MEOX2: variants seen among roughly 807,000 people sequenced by gnomAD.
MEOX2 encodes the protein mesenchyme homeobox 2, also known as homeobox protein MOX-2.
In MEOX2, 11 loss-of-function variants were observed where a neutral mutation model predicts 27.0. That is an observed-to-expected ratio of 0.41 (90% CI 0.26 to 0.68). MEOX2 has a LOEUF of 0.68. Among genes scored for constraint, MEOX2 ranks in the 30% least tolerant of loss-of-function variants. The pLI is 0.33. For missense variants in MEOX2, 436 were observed against 385.4 expected (o/e 1.13, Z -1.10); for synonymous variants, 189 against 155.4 (o/e 1.22, Z -1.61).
intron 1 of MEOX2, among the ~76,000 whole-genome samples, chr7:15,629,174 A>C (rs1432767484): frequency 6.6e-6 from 1 of 152,092 alleles, no homozygotes; most frequent in African/African-American, 2.4e-5. Flanking sequence ...ACTTGTATTT[A>C]TTTGAGTTTC....
chr7:15,681,690 C>T (rs1782293867), intron 1 of MEOX2: 1 of 151,566 alleles, frequency 6.6e-6, no homozygotes, highest in South Asian at 2.1e-4. Context: ...GGGGTAATGA[C>T]TGAAGTACTG....
rs780809317 is a variant in MEOX2 at position 15,686,232 on chromosome 7, C to T, written c.171G>A (p.Glu57=). 2 of 1,612,218 alleles carry T rather than the reference C, an allele frequency of 1.2e-6. No homozygotes were observed. The highest frequency in any genetic ancestry group is 1.7e-6 in the Non-Finnish European group (2 of 1,179,164). ...TGTGATGCTGGCTGGCAAACATGCCCTCTTCGTTGGGGTATCCCGCGATTA... is the reference window on the plus strand; with the variant it reads ...TGTGATGCTGGCTGGCAAACATGCCTTCTTCGTTGGGGTATCCCGCGATTA... ...SCIIAGYPNE[E]GMFASQHHRG... is the part of the protein sequence containing the mutation. The change falls in exon 1 of 3, where the codon GAG becomes GAA. Residue 57 remains glutamate (E), a synonymous_variant. Coordinates refer to ENST00000262041, the MANE Select transcript of MEOX2 (RefSeq NM_005924.5).
chr7:15,660,025 A>G (rs144192527), intron 1 of MEOX2, among the ~76,000 whole-genome samples: 1,747 of 152,280 alleles, frequency 0.011, 40 homozygotes, highest in African/African-American at 0.039. Context: ...AGCATGTGCA[A>G]TGATCTATAA....
At chr7:15,664,483 C>T (rs1054262722) in intron 1 of MEOX2, among the ~76,000 whole-genome samples, 4 of 152,202 alleles carry the variant, frequency 2.6e-5, no homozygotes, top group Admixed American at 2.6e-4. Flanking sequence ...TGCCAGCAAA[C>T]AAACAACAAA....
At chr7:15,641,153 T>G (rs1781553971) in intron 1 of MEOX2, among the ~76,000 whole-genome samples, 1 of 152,162 alleles carries the variant, frequency 6.6e-6, no homozygotes, top group African/African-American at 2.4e-5. Flanking sequence ...GGCCCTGGGC[T>G]TTTTTTAATT....
At chr7:15,646,241 G>A (rs1358072059) in intron 1 of MEOX2, among the ~76,000 whole-genome samples, 1 of 151,942 alleles carries the variant, frequency 6.6e-6, no homozygotes, top group Admixed American at 6.6e-5. Context: ...ATACGTGAAA[G>A]TATTTTATAA....
rs1286585344 is a variant in MEOX2 at position 15,611,436 on chromosome 7, T to C, written c.*951A>G. The C allele has an allele frequency of 6.5e-6, 1 of 152,680 alleles. No individual in the cohort carries two copies. The highest frequency in any genetic ancestry group is 1.5e-5 in the Non-Finnish European group (1 of 68,040). 9.5% of individuals were successfully genotyped at this position (152,680 alleles called of 1,614,324 possible). ...AAATGTTTTCTTGTTAATTAAATCATATTCATACAGCTAATATTTTACAGA... is the reference window on the plus strand; with the variant it reads ...AAATGTTTTCTTGTTAATTAAATCACATTCATACAGCTAATATTTTACAGA... On this transcript the variant is annotated 3_prime_UTR_variant, in exon 3 of 3. Coordinates refer to ENST00000262041, the MANE Select transcript of MEOX2 (RefSeq NM_005924.5).
chr7:15,621,014 G>C (rs2115356483), intron 2 of MEOX2, among the ~76,000 whole-genome samples: 1 of 152,220 alleles, frequency 6.6e-6, no homozygotes, highest in East Asian at 1.9e-4. Context: ...CCCACTGTGA[G>C]ATATTAAAAA....
At chr7:15,614,639 G>A (rs1781094811) in intron 2 of MEOX2, among the ~76,000 whole-genome samples, 1 of 151,930 alleles carries the variant, frequency 6.6e-6, no homozygotes, top group Admixed American at 6.6e-5. Flanking sequence ...GCTGTATTCT[G>A]TTCTGTTCCT....
In MEOX2 at chr7:15,623,795, T is replaced by A. The variant is rs1411930758; in HGVS notation, c.690+2951A>T. Among the ~76,000 whole-genome samples, 5 of 152,374 alleles carry A rather than the reference T, an allele frequency of 3.3e-5. No individual in the cohort carries two copies. The East Asian group carries it at 9.6e-4, about 29-fold the overall frequency. ...AGAAACATTATCCAATACAATTACA[T>A]CATTCCTCTCCTGTGACATTCTACA... On this transcript the variant is annotated intron_variant, in intron 2 of 2. Transcript: ENST00000262041.
intron 2 of MEOX2, among the ~76,000 whole-genome samples, chr7:15,612,849 C>G (rs1781054589): frequency 6.6e-6 from 1 of 152,110 alleles, no homozygotes. Flanking sequence ...TTACAGCATA[C>G]AATGTAAAAT....
chr7:15,620,234 G>A (rs554705084), intron 2 of MEOX2, among the ~76,000 whole-genome samples: 16 of 152,162 alleles, frequency 1.1e-4, no homozygotes, highest in Middle Eastern at 3.4e-3. Context: ...TGTTTCTCTA[G>A]ATGACTCCTA....
chr7:15,643,552 C>G (rs922273667), intron 1 of MEOX2, among the ~76,000 whole-genome samples: 1 of 152,142 alleles, frequency 6.6e-6, no homozygotes, highest in Non-Finnish European at 1.5e-5. Context: ...CCAGGGGAGT[C>G]TTCCTCCCAT....
At chr7:15,623,343 A>G (rs529097027) in intron 2 of MEOX2, among the ~76,000 whole-genome samples, 1 of 152,318 alleles carries the variant, frequency 6.6e-6, no homozygotes, top group East Asian at 1.9e-4. Flanking sequence ...AAAATACAAT[A>G]TAACTTAAAA....
intron 1 of MEOX2, among the ~76,000 whole-genome samples, chr7:15,631,101 C>G (rs575891223): frequency 6.6e-6 from 1 of 151,968 alleles, no homozygotes; most frequent in South Asian, 2.1e-4. Flanking sequence ...CAGAAAACAT[C>G]TATTATTTCT....
chr7:15,614,587 C>A (rs1356748159), intron 2 of MEOX2, among the ~76,000 whole-genome samples: 2 of 152,118 alleles, frequency 1.3e-5, no homozygotes, highest in African/African-American at 4.8e-5. Flanking sequence ...ACTGTTTCAT[C>A]TGTGTTCATA....
rs902525081 is a variant in MEOX2, at chr7:15,686,476, C to G, written c.-74G>C. 2 of 1,334,332 alleles carry G rather than the reference C, an allele frequency of 1.5e-6. No homozygotes were observed. The highest frequency in any genetic ancestry group is 2.0e-6 in the Non-Finnish European group (2 of 993,762). The allele number at this position is 1,334,332 out of a possible 1,614,324, so 82.7% of individuals were successfully genotyped here. A position where few individuals can be genotyped will look rare whatever the true frequency, so the allele number is the denominator to read the frequency against. ...AGGCCACCACCCTCTGTCACTTTTT[C>G]ACTGGAAACCGTGTGATTTTTTTTT... is the stretch of plus-strand genomic sequence containing the variant. On this transcript the variant is annotated 5_prime_UTR_variant, in exon 1 of 3. Coordinates refer to ENST00000262041, the MANE Select transcript of MEOX2 (RefSeq NM_005924.5).
chr7:15,632,553 G>A (rs1260899436), intron 1 of MEOX2, among the ~76,000 whole-genome samples: 3 of 151,678 alleles, frequency 2.0e-5, no homozygotes, highest in Non-Finnish European at 2.9e-5. Flanking sequence ...TGTGCAATTC[G>A]AAAACAAAAC....
intron 1 of MEOX2, among the ~76,000 whole-genome samples, chr7:15,664,639 A>T (rs186066786): frequency 2.0e-5 from 3 of 152,292 alleles, no homozygotes; most frequent in Non-Finnish European, 4.4e-5. Context: ...GGGCTAATTC[A>T]TTGGGTGGGG....
Sources: allele counts gnomAD v4.1 joint callset (sites outside exome capture counted in the v4.1 genomes callset), GRCh38; gene constraint gnomAD v4.1.1; transcripts MANE v1.5; gene names NCBI Gene and HGNC (gene_info 2026-07-23, HGNC 2026-07-21).